Variants in DDX60L observed in about 807,000 individuals in gnomAD.
The protein encoded by DDX60L is probable ATP-dependent RNA helicase DDX60-like.
Under a neutral mutation model 211.6 loss-of-function variants are expected in DDX60L, and 191 were observed. The ratio of observed to expected loss-of-function variants is 0.90; its 90% confidence interval spans 0.80 to 1.02. The LOEUF is 1.02. Ranked by LOEUF, DDX60L falls within the 50% of genes least tolerant of loss-of-function variation. DDX60L has a pLI of 0.00. For missense variants in DDX60L, 2,007 were observed against 1,984.1 expected, an observed-to-expected ratio of 1.01 and a Z score of -0.22; for synonymous variants, 706 against 694.1, an observed-to-expected ratio of 1.02 and a Z score of -0.27.
At chr4:168,371,909 T>A (rs543975688) in intron 35 of DDX60L, 146 bp from the exon 36 acceptor site, 1 of 715,366 alleles carries the variant, frequency 1.4e-6, no homozygotes, top group Non-Finnish European at 2.2e-6. Context: ...GGGATTCCCA[T>A]GGGGGTTGAG....
chr4:168,413,929 A>G (rs976041451), intron 22 of DDX60L, among the ~76,000 whole-genome samples: 1 of 152,170 alleles, frequency 6.6e-6, no homozygotes, highest in Non-Finnish European at 1.5e-5. Context: ...CTATCTCAAG[A>G]CATTTAATAA....
chr4:168,373,296 T>A (rs1458120535), intron 35 of DDX60L, among the ~76,000 whole-genome samples: 3 of 152,174 alleles, frequency 2.0e-5, no homozygotes, highest in Non-Finnish European at 4.4e-5. Flanking sequence ...GCCCCCTTTG[T>A]AGACCACTGT....
At chr4:168,451,630 A>G (rs1393648373) in intron 8 of DDX60L, among the ~76,000 whole-genome samples, 1 of 152,202 alleles carries the variant, frequency 6.6e-6, no homozygotes, top group Non-Finnish European at 1.5e-5. Context: ...GATGTCTACA[A>G]TGCGCTCTAT....
chr4:168,430,547 C>T lies in DDX60L; in HGVS notation c.1608G>A (p.Thr536=), dbSNP rs749067172. 3.7e-6 allele frequency: 6 copies of T among 1,610,916 alleles called. No individual in the cohort carries two copies. The South Asian group carries it at 4.4e-5, about 12-fold the overall frequency. ...FYGKSLESIS[T]KVIVTQTTRP... is the part of the protein sequence containing the mutation. Reference sequence around the variant, plus strand: ...GAGTAGTTTGAGTCACAATGACTTTCGTAGAGATTGATTCTAACGATTTCC... The same window carrying T: ...GAGTAGTTTGAGTCACAATGACTTTTGTAGAGATTGATTCTAACGATTTCC... Residue 536 remains threonine, a synonymous_variant, in exon 13 of 38, where the codon ACG becomes ACA. Coordinates refer to ENST00000682922, the MANE Select transcript of DDX60L (RefSeq NM_001012967.3).
intron 9 of DDX60L, among the ~76,000 whole-genome samples, chr4:168,442,663 C>T (rs368779393): frequency 6.6e-6 from 1 of 151,560 alleles, no homozygotes; most frequent in Non-Finnish European, 1.5e-5. Context: ...GTTCTCCCAG[C>T]ACGCAGCTGG....
chr4:168,428,074 T>G (rs140036831), intron 13 of DDX60L, among the ~76,000 whole-genome samples: 184 of 152,326 alleles, frequency 1.2e-3, no homozygotes, highest in Non-Finnish European at 2.2e-3. Context: ...CTCAGCTGGG[T>G]GAGGCCCTTG....
intron 4 of DDX60L, among the ~76,000 whole-genome samples, chr4:168,467,445 C>CAAAAAAAAAA (rs199648164): frequency 8.8e-4 from 96 of 108,944 alleles, no homozygotes; most frequent in Non-Finnish European, 1.6e-3. Context: ...GTTTCCATTC[C>CAAAAAAAAAA]AAAAAAAAAA....
chr4:168,455,783 A>G (rs1179622450), intron 7 of DDX60L, among the ~76,000 whole-genome samples: 2 of 152,186 alleles, frequency 1.3e-5, no homozygotes, highest in Admixed American at 6.5e-5. Context: ...CTTGCTGTAC[A>G]TTGTATTTTA....
intron 34 of DDX60L, 101 bp from the exon 35 acceptor site, chr4:168,373,909 C>T (rs983041490): frequency 1.7e-6 from 2 of 1,207,334 alleles, no homozygotes; most frequent in African/African-American, 3.0e-5. Context: ...TGACATTCAT[C>T]TCATCAGAAT....
rs373058146 is a variant in DDX60L, at chr4:168,471,732, A to G, written c.264+15T>C. 9 of 1,572,308 alleles carry G rather than the reference A, an allele frequency of 5.7e-6. No homozygotes were observed. The African/African-American group carries it at 1.2e-4, about 22-fold the overall frequency. On this transcript the variant is annotated intron_variant, in intron 4 of 37. Transcript: ENST00000682922. ...TCTTCAAAGGACTAAAACGACATCA[A>G]TCATCATATATTACCTTAAAGAAAA...
At chr4:168,408,054 A>G (rs1748063556) in intron 22 of DDX60L, among the ~76,000 whole-genome samples, 1 of 152,202 alleles carries the variant, frequency 6.6e-6, no homozygotes, top group South Asian at 2.1e-4. Flanking sequence ...GAAGGTGAGG[A>G]TTTCAGTATC....
At chr4:168,463,021 A>G (rs937653594) in intron 4 of DDX60L, among the ~76,000 whole-genome samples, 31 of 152,210 alleles carry the variant, frequency 2.0e-4, no homozygotes, top group Non-Finnish European at 4.3e-4. Flanking sequence ...AGTCGCAGAG[A>G]AAAAGGAATG....
chr4:168,439,983 A>G (rs906047075), intron 10 of DDX60L, among the ~76,000 whole-genome samples: 3 of 152,252 alleles, frequency 2.0e-5, no homozygotes, highest in African/African-American at 7.2e-5. Flanking sequence ...AATGGCCAAT[A>G]ACAGATGAAA....
At chr4:168,410,117 T>A (rs28692742) in intron 22 of DDX60L, among the ~76,000 whole-genome samples, 49 of 152,128 alleles carry the variant, frequency 3.2e-4, no homozygotes, top group African/African-American at 1.2e-3. Flanking sequence ...AACAATTTTA[T>A]AATTTAATAA....
intron 9 of DDX60L, among the ~76,000 whole-genome samples, chr4:168,442,875 G>A (rs1204453308): frequency 6.6e-6 from 1 of 151,440 alleles, no homozygotes; most frequent in Admixed American, 6.6e-5. Context: ...AAACCCATCT[G>A]TACATCACCA....
chr4:168,392,534 G>T (rs1745015418), intron 28 of DDX60L, among the ~76,000 whole-genome samples: 1 of 151,974 alleles, frequency 6.6e-6, no homozygotes, highest in East Asian at 1.9e-4. Context: ...GCCATAATGA[G>T]TATCATTTAG....
chr4:168,395,478 T>C (rs1745607062), intron 27 of DDX60L, among the ~76,000 whole-genome samples: 1 of 152,232 alleles, frequency 6.6e-6, no homozygotes, highest in African/African-American at 2.4e-5. Context: ...TTATTTTCTA[T>C]TTTCAAGTAC....
chr4:168,413,785 G>T (rs951737794), intron 22 of DDX60L, among the ~76,000 whole-genome samples: 4 of 152,016 alleles, frequency 2.6e-5, no homozygotes, highest in Non-Finnish European at 5.9e-5. Context: ...CCTTAAAGGG[G>T]CTTAAAACCC....
rs376932748 is a variant in DDX60L, at chr4:168,420,270, T to G, written c.2505A>C (p.Leu835=). The change falls in exon 18 of 38, where the codon CTA becomes CTC. Residue 835 remains leucine (L), a synonymous_variant. Coordinates refer to ENST00000682922, the MANE Select transcript of DDX60L (RefSeq NM_001012967.3). ...AFTRDYCHNV[L]NCQVLITVPE... ...AATTAATATGTCATACCTGACAGTT[T>G]AGTACATTGTGACAATAATCTCTTG... 150 of 1,597,752 alleles carry G rather than the reference T, an allele frequency of 9.4e-5. 2 individuals are homozygous for G. Among genetic ancestry groups the G allele is most frequent in the Middle Eastern group, 5.0e-4 (3 of 6,046 alleles).
Sources: allele counts gnomAD v4.1 joint callset (sites outside exome capture counted in the v4.1 genomes callset), GRCh38; gene constraint gnomAD v4.1.1; transcripts MANE v1.5; gene names NCBI Gene and HGNC (gene_info 2026-07-23, HGNC 2026-07-21).